The following ZFHX2 variants were observed in gnomAD, a reference collection of about 807,000 sequenced individuals.
ZFHX2 encodes the protein zinc finger homeobox protein 2.
ZFHX2 carries 75 observed loss-of-function variants against 164.8 expected under a neutral mutation model. The observed-to-expected ratio is 0.46, with a 90% confidence interval of 0.38 to 0.55. The LOEUF is 0.55. ZFHX2 is among the 20% of genes least tolerant of loss of function. ZFHX2 has a pLI of 0.00. For missense variants in ZFHX2, 2,933 were observed against 3,308.0 expected (o/e 0.89, Z 2.78); for synonymous variants, 1,217 against 1,351.4 (o/e 0.90, Z 2.18).
Position 23,524,160 on chromosome 14 carries a change from C to T in ZFHX2, c.5782G>A (p.Ala1928Thr). ...GTGGCTGTGGCAGGCGGTTTCACTG[C>T]TGGACTAGGCACCCCCCCAGGGGTG... ...RSTPGGVPSP[A>T]VKPPATATPA... The change falls in exon 9 of 10, where the codon GCA (alanine) becomes ACA (threonine). Residue 1928 changes from alanine (A) to threonine (T), a missense_variant. Transcript: ENST00000419474. This position sits in a 1 kb window ranked among gnomAD's most constrained non-coding sequence, Gnocchi z 5.6. 2 of 1,536,032 alleles carry T rather than the reference C, an allele frequency of 1.3e-6. No homozygotes were observed. Among genetic ancestry groups the T allele is most frequent in the Non-Finnish European group, 1.7e-6 (2 of 1,146,878 alleles).
At position 23,522,098 on chromosome 14, in the gene ZFHX2, C is replaced by A; in HGVS notation, c.7583G>T (p.Gly2528Val). Residue 2528 changes from glycine (G) to valine (V), a missense_variant, in exon 10 of 10, where the codon GGG (glycine) becomes GTG (valine). By Grantham distance (109) the Gly-to-Val change is moderately radical. Transcript: ENST00000419474. ...AHRRKAAPPQ[G>V]GPPISITNAA... is the part of the protein sequence containing the mutation. Reference sequence around the variant, plus strand: ...GTTGGTGATGGAGATGGGTGGGCCCCCTTGAGGTGGGGCTGCCTTGCGCCT... The same window carrying A: ...GTTGGTGATGGAGATGGGTGGGCCCACTTGAGGTGGGGCTGCCTTGCGCCT... The A allele has an allele frequency of 6.5e-7, 1 of 1,535,682 alleles. No homozygotes were observed. The highest frequency in any genetic ancestry group is 1.2e-5 in the South Asian group (1 of 84,004).
In ZFHX2 at chr14:23,525,495, C is replaced by A; in HGVS notation, c.4447G>T (p.Gly1483Trp). Residue 1483 changes from glycine (G) to tryptophan (W), a missense_variant, in exon 9 of 10, where the codon GGG (glycine) becomes TGG (tryptophan). Coordinates refer to ENST00000419474, the MANE Select transcript of ZFHX2 (RefSeq NM_033400.3). This position sits in a 1 kb window ranked among gnomAD's most constrained non-coding sequence, Gnocchi z 5.9. ...TTGGAGAAGAGTTTCCCACAGGCCC[C>A]ACAGGCCAGCTTGTCCCCACCCCCG... The part of the protein sequence containing the change: ...ALGGGDKLAC[G>W]ACGKLFSNML... 6.5e-7 allele frequency: 1 copy of A among 1,535,854 alleles called. No individual in the cohort carries two copies. Among genetic ancestry groups the A allele is most frequent in the Non-Finnish European group, 8.7e-7 (1 of 1,146,912 alleles).
chr14:23,541,441 C>A (rs1002947214), intron 1 of ZFHX2, among the ~76,000 whole-genome samples: 21 of 152,070 alleles, frequency 1.4e-4, no homozygotes, highest in Non-Finnish European at 2.6e-4. Flanking sequence ...GCAGGCTCCA[C>A]CACGCCCAGC....
chr14:23,543,614 A>T (rs187158260), intron 1 of ZFHX2: 5 of 152,330 alleles, frequency 3.3e-5, no homozygotes, highest in Non-Finnish European at 7.3e-5. Flanking sequence ...ACTGCAGTCC[A>T]TGCAGGGGCA....
chr14:23,545,139 A>G (rs1306126253), intron 1 of ZFHX2, among the ~76,000 whole-genome samples: 1 of 146,412 alleles, frequency 6.8e-6, no homozygotes, highest in Non-Finnish European at 1.5e-5. Context: ...CCTCCCCCAC[A>G]TTGCCCTGTC....
chr14:23,525,583 G>C lies in ZFHX2; in HGVS notation c.4359C>G (p.Ile1453Met). The C allele has an allele frequency of 1.3e-6, 2 of 1,535,652 alleles. No individual in the cohort carries two copies. The highest frequency in any genetic ancestry group is 1.7e-6 in the Non-Finnish European group (2 of 1,146,858). ...LLENFGFELV[I>M]QYNEGKQAVP... ...CAGCTTGCTTCCCTTCATTGTACTGGATCACCAGCTCAAAGCCAAAGTTTT... is the reference window on the plus strand; with the variant it reads ...CAGCTTGCTTCCCTTCATTGTACTGCATCACCAGCTCAAAGCCAAAGTTTT... The change falls in exon 9 of 10, where the codon ATC becomes ATG. Residue 1453 changes from isoleucine to methionine, a missense_variant. By Grantham distance (10) the Ile-to-Met change is conservative (BLOSUM62 1). Transcript: ENST00000419474. The surrounding 1 kb of genome is among the most constrained non-coding windows in gnomAD (Gnocchi z 5.9).
At chr14:23,537,657 A>T (rs907596030) in intron 1 of ZFHX2, among the ~76,000 whole-genome samples, 15 of 152,084 alleles carry the variant, frequency 9.9e-5, no homozygotes, top group African/African-American at 3.6e-4. Flanking sequence ...AGGTCGGGGG[A>T]GTTGGAGAAC....
chr14:23,524,090 T>A lies in ZFHX2; in HGVS notation c.5852A>T (p.Asp1951Val). The A allele has an allele frequency of 6.5e-7, 1 of 1,530,866 alleles. No homozygotes were observed. The highest frequency in any genetic ancestry group is 8.7e-7 in the Non-Finnish European group (1 of 1,143,988). 94.8% of individuals were successfully genotyped at this position (1,530,866 alleles called of 1,614,324 possible). The change falls in exon 9 of 10, where the codon GAT becomes GTT. Residue 1951 changes from aspartate to valine, a missense_variant. By Grantham distance (152) the Asp-to-Val change is radical. Transcript: ENST00000419474. The surrounding 1 kb of genome is among the most constrained non-coding windows in gnomAD (Gnocchi z 5.6). Reference protein sequence around the residue: ...PKFNLLLGKVDDGTGREAPKR... With the variant: ...PKFNLLLGKVVDGTGREAPKR... ...TGGGGCTTCCCTCCCAGTGCCATCATCTACCTTGCCTAATAAGAGGTTGAA... is the reference window on the plus strand; with the variant it reads ...TGGGGCTTCCCTCCCAGTGCCATCAACTACCTTGCCTAATAAGAGGTTGAA...
At chr14:23,549,109 T>C (rs1881695503) in intron 1 of ZFHX2, among the ~76,000 whole-genome samples, 2 of 152,214 alleles carry the variant, frequency 1.3e-5, no homozygotes, top group South Asian at 4.1e-4. Context: ...CTTTTTCTGT[T>C]GACCTCCACT....
At position 23,524,335 on chromosome 14, in the gene ZFHX2, T is replaced by C. The variant is rs572520237; in HGVS notation, c.5607A>G (p.Leu1869=). Residue 1869 remains leucine (L), a synonymous_variant, in exon 9 of 10, where the codon CTA becomes CTG. Coordinates refer to ENST00000419474, the MANE Select transcript of ZFHX2 (RefSeq NM_033400.3). The surrounding 1 kb of genome is among the most constrained non-coding windows in gnomAD (Gnocchi z 5.6). ...GCATGTACCAACGGTACAGGATCTC[T>C]AGCTGCTCAGGCAAGATGGTGGTGC... ...RLRTTILPEQ[L]EILYRWYMQD... The C allele has an allele frequency of 2.6e-6, 4 of 1,536,330 alleles. No homozygotes were observed. In the African/African-American group the frequency reaches 5.5e-5, roughly 21 times the overall value.
intron 6 of ZFHX2, chr14:23,529,421 A>G: frequency 2.6e-6 from 1 of 386,186 alleles, no homozygotes. Flanking sequence ...TCCTTCCAGC[A>G]TGTACCCCCA....
chr14:23,543,816 C>T (rs948691508), intron 1 of ZFHX2: 1 of 152,108 alleles, frequency 6.6e-6, no homozygotes, highest in Admixed American at 6.5e-5. Context: ...CAAGCACTCT[C>T]CCTCCAACAG....
chr14:23,540,856 G>C (rs1435050025), intron 1 of ZFHX2, among the ~76,000 whole-genome samples: 1 of 152,120 alleles, frequency 6.6e-6, no homozygotes, highest in African/African-American at 2.4e-5. Flanking sequence ...GTGGAGCATG[G>C]TGTTTGCACA....
chr14:23,542,521 T>G (rs1278430799), intron 1 of ZFHX2, among the ~76,000 whole-genome samples: 1 of 152,112 alleles, frequency 6.6e-6, no homozygotes, highest in Non-Finnish European at 1.5e-5. Flanking sequence ...GCTGCACAGA[T>G]CTATGTGATT....
rs1878518579 is a variant in ZFHX2, at chr14:23,524,975, TCA to T, written c.4965_4966del (p.Cys1655Ter). On this transcript the variant is annotated stop_gained and frameshift_variant, in exon 9 of 10. Transcript: ENST00000419474. LOFTEE classifies it high-confidence loss of function. The surrounding 1 kb of genome is among the most constrained non-coding windows in gnomAD (Gnocchi z 5.6). ...TCCTCCGGTTGGCATGGACCCACCC[TCA>T]CAGGCATTTTTGCGTGCTTTCTGGC... is the stretch of plus-strand genomic sequence containing the variant. 1 of 1,536,222 alleles carries T rather than the reference TCA, an allele frequency of 6.5e-7. No individual in the cohort carries two copies. Among genetic ancestry groups the T allele is most frequent in the Non-Finnish European group, 8.7e-7 (1 of 1,146,928 alleles).
Position 23,526,618 on chromosome 14 carries a change from T to G in ZFHX2, c.3324A>C (p.Ser1108=), listed in dbSNP as rs754178197. ...CTGAGGGTTTGTCTGGGACCTCAAC[T>G]GAGGCCAGGGGAGGCTCAGGAAGAG... The part of the protein sequence containing the change: ...PDPLPEPPLA[S]VEVPDKPSGS... The change falls in exon 9 of 10, where the codon TCA becomes TCC. Residue 1108 remains serine, a synonymous_variant. Transcript: ENST00000419474. 9 of 1,535,768 alleles carry G rather than the reference T, an allele frequency of 5.9e-6. No individual in the cohort carries two copies. In the South Asian group the frequency reaches 1.1e-4, roughly 18 times the overall value.
chr14:23,526,083 C>T lies in ZFHX2; in HGVS notation c.3859G>A (p.Gly1287Arg). 1 of 1,536,518 alleles carries T rather than the reference C, an allele frequency of 6.5e-7. No homozygotes were observed. Among genetic ancestry groups the T allele is most frequent in the Non-Finnish European group, 8.7e-7 (1 of 1,146,946 alleles). The change falls in exon 9 of 10, where the codon GGG becomes AGG. Residue 1287 changes from glycine to arginine, a missense_variant. Physicochemically the swap from Gly to Arg is moderately radical, Grantham distance 125. Coordinates refer to ENST00000419474, the MANE Select transcript of ZFHX2 (RefSeq NM_033400.3). ...GGCTCTTCTTGGCTGCGTTCTGGCC[C>T]TTCAATCTTGGAATCAGTCTTGGTT... ...RGTKTDSKIE[G>R]PERSQEEPKE...
In ZFHX2 at chr14:23,534,091, G is replaced by T. The variant is rs1305323474; in HGVS notation, c.1235C>A (p.Pro412His). The T allele has an allele frequency of 6.7e-7, 1 of 1,500,018 alleles. No individual in the cohort carries two copies. The highest frequency in any genetic ancestry group is 1.4e-5 in the African/African-American group (1 of 72,252). The allele number at this position is 1,500,018 out of a possible 1,614,324, so 92.9% of individuals were successfully genotyped here. A position where few individuals can be genotyped will look rare whatever the true frequency, so the allele number is the denominator to read the frequency against. The change falls in exon 2 of 10, where the codon CCC becomes CAC. Residue 412 changes from proline (P) to histidine (H), a missense_variant. By Grantham distance (77) the Pro-to-His change is moderately conservative (BLOSUM62 -2). Transcript: ENST00000419474. This position sits in a 1 kb window ranked among gnomAD's most constrained non-coding sequence, Gnocchi z 4.5. The stretch of plus-strand genomic sequence containing the variant: ...GCGATAGGGCTGGGGTGGGTCACTG[G>T]GGTCTTCGGGGGAGCCCACTGGGGC... ...LPAPVGSPEDPSDPPQPYRLA... is the reference protein window; with the variant it reads ...LPAPVGSPEDHSDPPQPYRLA...
intron 1 of ZFHX2, chr14:23,548,392 C>T (rs1182702383): frequency 1.3e-5 from 2 of 152,300 alleles, no homozygotes; most frequent in East Asian, 1.9e-4. Flanking sequence ...CCTACCAATT[C>T]GACCCAGGCC....
Sources: allele counts gnomAD v4.1 joint callset (sites outside exome capture counted in the v4.1 genomes callset), GRCh38; gene constraint gnomAD v4.1.1; non-coding constraint Gnocchi (gnomAD v3.1); transcripts MANE v1.5; gene names NCBI Gene and HGNC (gene_info 2026-07-23, HGNC 2026-07-21).